ZYG11A: variants seen among roughly 807,000 people sequenced by gnomAD.
ZYG11A encodes the protein zyg-11 family member A, cell cycle regulator, also known as protein zyg-11 homolog A.
Under a neutral mutation model 77.2 loss-of-function variants are expected in ZYG11A, and 62 were observed. That is an observed-to-expected ratio of 0.80 (90% CI 0.65 to 0.99). The LOEUF (loss-of-function observed/expected upper bound fraction) is 0.99, where lower values mean the gene tolerates loss of function less well. Among genes scored for constraint, ZYG11A ranks in the 50% least tolerant of loss-of-function variants. The pLI is 0.00. For synonymous variants in ZYG11A, 315 were observed against 324.6 expected, an observed-to-expected ratio of 0.97 and a Z score of 0.32; for missense variants, 828 against 896.8, an observed-to-expected ratio of 0.92 and a Z score of 0.98.
Position 52,845,557 on chromosome 1 carries a change from C to A in ZYG11A, c.90+2584C>A, listed in dbSNP as rs557228484. Among the ~76,000 whole-genome samples the A allele has an allele frequency of 2.4e-4, 37 of 151,688 alleles. No individual in the cohort carries two copies. The South Asian group carries it at 7.3e-3, about 30-fold the overall frequency. ...CAGGCTGGTCCTGAACTCCTGGCCT[C>A]AAGCGACCTGCCCATCTTGACCACC... On this transcript the variant is annotated intron_variant, in intron 1 of 13. Transcript: ENST00000371528.
At chr1:52,884,037 T>C (rs1646404814) in intron 11 of ZYG11A, among the ~76,000 whole-genome samples, 1 of 151,620 alleles carries the variant, frequency 6.6e-6, no homozygotes, top group East Asian at 2.0e-4. Flanking sequence ...CCATGCCCAG[T>C]TAATTTTTGT....
chr1:52,886,807 A>C (rs1294154177), intron 12 of ZYG11A, 149 bp from the exon 13 acceptor site: 2 of 199,308 alleles, frequency 1.0e-5, no homozygotes, highest in African/African-American at 5.1e-5. Context: ...TTGGCCTCCC[A>C]AAGTGCTGGG....
chr1:52,874,955 A>T (rs796591331), intron 8 of ZYG11A, among the ~76,000 whole-genome samples: 21 of 152,368 alleles, frequency 1.4e-4, no homozygotes, highest in African/African-American at 5.0e-4. Flanking sequence ...TTTTGTATGC[A>T]GTGGGAAAAC....
At chr1:52,865,736 T>C (rs922735032) in intron 5 of ZYG11A, among the ~76,000 whole-genome samples, 39 of 152,246 alleles carry the variant, frequency 2.6e-4, no homozygotes, top group Admixed American at 2.4e-3. Context: ...TGATTCCATT[T>C]GCATAACACC....
chr1:52,874,588 C>T (rs539540117), intron 8 of ZYG11A, among the ~76,000 whole-genome samples: 7 of 152,220 alleles, frequency 4.6e-5, no homozygotes, highest in South Asian at 2.1e-4. Flanking sequence ...TACATTGGGC[C>T]GGGTGTGGTG....
chr1:52,858,358 C>G lies in ZYG11A; in HGVS notation c.1008+609C>G, dbSNP rs368649351. 4.0e-5 allele frequency among the ~76,000 whole-genome samples: 6 copies of G among 148,832 alleles called. No homozygotes were observed. In the East Asian group the frequency reaches 1.1e-3, roughly 27 times the overall value. ...TTGCACCACTGCACTCCAGCCTGGC[C>G]AAAAGCGAAACGCAGTCTCAAAAAA... On this transcript the variant is annotated intron_variant, in intron 3 of 13. Coordinates refer to ENST00000371528, the MANE Select transcript of ZYG11A (RefSeq NM_001004339.3).
chr1:52,849,688 C>CCTT (rs770551112), intron 1 of ZYG11A, among the ~76,000 whole-genome samples: 1 of 41,344 alleles, frequency 2.4e-5, no homozygotes. Context: ...TTATACATTT[C>CCTT]TTTTTTTTTT....
chr1:52,856,455 CAAAAAAAAAAA>C (rs57138221), intron 2 of ZYG11A, among the ~76,000 whole-genome samples: 2 of 104,102 alleles, frequency 1.9e-5, no homozygotes, highest in Admixed American at 1.1e-4. Context: ...GACTCCATCT[CAAAAAAAAAAA>C]AAAAAAAAAA....
In ZYG11A at chr1:52,866,449, T is replaced by C; in HGVS notation, c.1327-54T>C. Reference sequence around the variant, plus strand: ...TACTTCCAAATACATGGAATCTTTGTTTAGAATGGAATGTTACATTTGTTC... The same window carrying C: ...TACTTCCAAATACATGGAATCTTTGCTTAGAATGGAATGTTACATTTGTTC... On this transcript the variant is annotated intron_variant, in intron 5 of 13. Transcript: ENST00000371528. 3 of 1,023,768 alleles carry C rather than the reference T, an allele frequency of 2.9e-6. No homozygotes were observed. In the Admixed American group the frequency reaches 6.3e-5, roughly 22 times the overall value. 63.4% of individuals were successfully genotyped at this position (1,023,768 alleles called of 1,614,324 possible).
intron 8 of ZYG11A, among the ~76,000 whole-genome samples, chr1:52,871,810 GAA>G (rs780293954): frequency 1.1e-4 from 17 of 152,010 alleles, no homozygotes; most frequent in Non-Finnish European, 2.2e-4. Context: ...TGTTTCTGAG[GAA>G]AAAAACCCAT....
chr1:52,890,249 GTTTTTTTTTTTTT>G (rs908467307), intron 13 of ZYG11A, among the ~76,000 whole-genome samples: 2 of 71,658 alleles, frequency 2.8e-5, no homozygotes, highest in Non-Finnish European at 4.9e-5. Flanking sequence ...TTTTCTTTTA[GTTTTTTTTTTTTT>G]TTTTTTTTTT....
At chr1:52,870,002 G>A (rs1032586826) in intron 8 of ZYG11A, among the ~76,000 whole-genome samples, 3 of 150,730 alleles carry the variant, frequency 2.0e-5, no homozygotes, top group Non-Finnish European at 3.0e-5. Flanking sequence ...GCGGCTGCCG[G>A]GTGGAGGGGC....
intron 1 of ZYG11A, among the ~76,000 whole-genome samples, chr1:52,846,867 C>CTT (rs35227167): frequency 2.2e-5 from 3 of 139,392 alleles, no homozygotes; most frequent in African/African-American, 5.3e-5. Context: ...TTCACATTTA[C>CTT]TTTTTTTTTT....
At chr1:52,879,000 C>T (rs572719719) in intron 10 of ZYG11A, among the ~76,000 whole-genome samples, 13 of 146,510 alleles carry the variant, frequency 8.9e-5, no homozygotes, top group Non-Finnish European at 1.6e-4. Flanking sequence ...CAAACTCAGT[C>T]AGTCTGGCTC....
chr1:52,856,836 GATA>G (rs1001035966), intron 2 of ZYG11A, among the ~76,000 whole-genome samples, 159 bp from the exon 3 acceptor site: 9 of 152,160 alleles, frequency 5.9e-5, no homozygotes, highest in African/African-American at 1.7e-4. Flanking sequence ...GAATACATGA[GATA>G]ATAATCTTAT....
intron 1 of ZYG11A, among the ~76,000 whole-genome samples, chr1:52,849,859 T>G (rs561956785): frequency 3.3e-5 from 5 of 151,778 alleles, no homozygotes; most frequent in African/African-American, 1.2e-4. Context: ...ATTTTTAAAA[T>G]GTTTTTAGTA....
intron 3 of ZYG11A, 71 bp from the exon 4 acceptor site, chr1:52,860,660 C>T: frequency 6.6e-7 from 1 of 1,505,748 alleles, no homozygotes; most frequent in Non-Finnish European, 9.0e-7. Flanking sequence ...GCCCCAAAAA[C>T]CCTGTGGTTA....
Position 52,857,303 on chromosome 1 carries a change from G to A in ZYG11A, c.562G>A (p.Val188Ile). ...SQLTGLRILS[V>I]FNVCFHTEDL... ...GCTCACTGGTCTTCGCATTTTAAGT[G>A]TTTTTAATGTTTGTTTTCATACTGA... is the stretch of plus-strand genomic sequence containing the variant. The change falls in exon 3 of 14, where the codon GTT becomes ATT. Residue 188 changes from valine to isoleucine, a missense_variant. Physicochemically the swap from Val to Ile is conservative, Grantham distance 29 (BLOSUM62 3). Coordinates refer to ENST00000371528, the MANE Select transcript of ZYG11A (RefSeq NM_001004339.3). The A allele has an allele frequency of 6.4e-7, 1 of 1,551,884 alleles. No individual in the cohort carries two copies. The highest frequency in any genetic ancestry group is 1.2e-5 in the South Asian group (1 of 84,056).
chr1:52,882,300 ACTGTTT>A (rs1646377294), intron 11 of ZYG11A, among the ~76,000 whole-genome samples: 1 of 152,068 alleles, frequency 6.6e-6, no homozygotes, highest in African/African-American at 2.4e-5. Flanking sequence ...TCTTTTTCTC[ACTGTTT>A]CTATGCACAG....
Sources: allele counts gnomAD v4.1 joint callset (sites outside exome capture counted in the v4.1 genomes callset), GRCh38; gene constraint gnomAD v4.1.1; transcripts MANE v1.5; gene names NCBI Gene and HGNC (gene_info 2026-07-23, HGNC 2026-07-21).